VGLL4: variants seen among roughly 807,000 people sequenced by gnomAD.
VGLL4 encodes the protein transcription cofactor vestigial-like protein 4.
In VGLL4, 7 loss-of-function variants were observed where a neutral mutation model predicts 21.0. The observed-to-expected ratio is 0.33, with a 90% CI of 0.19 to 0.63. The LOEUF (loss-of-function observed/expected upper bound fraction) is 0.63, where lower values mean the gene tolerates loss of function less well. Ranked by LOEUF, VGLL4 falls within the 20% of genes least tolerant of loss-of-function variation. The pLI is 0.78. For synonymous variants in VGLL4, 222 were observed against 173.2 expected, an observed-to-expected ratio of 1.28 and a Z score of -2.21; for missense variants, 394 against 425.7, an observed-to-expected ratio of 0.93 and a Z score of 0.66.
At chr3:11,644,789 T>C (rs1461187217), upstream of VGLL4, among the ~76,000 whole-genome samples, 2 of 140,288 alleles carry the variant, frequency 1.4e-5, no homozygotes, top group African/African-American at 2.7e-5. Flanking sequence ...GAGGATGCAG[T>C]GAGCCAAGAT....
intron 2 of VGLL4, among the ~76,000 whole-genome samples, chr3:11,584,570 A>G (rs1191630480): frequency 6.6e-6 from 1 of 152,224 alleles, no homozygotes; most frequent in Non-Finnish European, 1.5e-5. Flanking sequence ...TTCCACTTCT[A>G]TAAAAGTGGG....
intron 2 of VGLL4, among the ~76,000 whole-genome samples, chr3:11,665,236 C>T (rs891497763): frequency 6.6e-6 from 1 of 150,594 alleles, no homozygotes; most frequent in African/African-American, 2.4e-5. Context: ...GCCTCAGCCT[C>T]CCGAGTAGCT....
chr3:11,671,884 T>C (rs1441046334), intron 2 of VGLL4, among the ~76,000 whole-genome samples: 1 of 152,214 alleles, frequency 6.6e-6, no homozygotes, highest in Admixed American at 6.5e-5. Context: ...GCCAAAATGC[T>C]TGATATTCAC....
chr3:11,640,430 G>A (rs985264298), intron 1 of VGLL4, among the ~76,000 whole-genome samples: 6 of 152,194 alleles, frequency 3.9e-5, no homozygotes, highest in African/African-American at 1.4e-4. Context: ...ATTCAGTGGG[G>A]TGATGGACGC....
chr3:11,697,703 A>G (rs1287346508), intron 2 of VGLL4, among the ~76,000 whole-genome samples: 1 of 152,252 alleles, frequency 6.6e-6, no homozygotes, highest in Admixed American at 6.5e-5. Context: ...TGTAGACTAC[A>G]GCCTAGAAAT....
chr3:11,718,291 T>C (rs1386942667), intron 1 of VGLL4, among the ~76,000 whole-genome samples: 1 of 152,214 alleles, frequency 6.6e-6, no homozygotes, highest in East Asian at 1.9e-4. Flanking sequence ...CAAAACTGTC[T>C]TGAGTGTAAG....
chr3:11,563,579 G>A (rs1246037599), intron 3 of VGLL4, among the ~76,000 whole-genome samples: 1 of 152,228 alleles, frequency 6.6e-6, no homozygotes. Context: ...TCTGCAGAGG[G>A]CTGGGTAAAT....
chr3:11,599,466 C>G (rs893973224), intron 2 of VGLL4, among the ~76,000 whole-genome samples: 13 of 146,114 alleles, frequency 8.9e-5, no homozygotes, highest in Non-Finnish European at 1.8e-4. Flanking sequence ...ATAGTGTCAT[C>G]ACAGACCCGT....
At chr3:11,659,326 C>CTTTTTTT (rs5846714) in intron 2 of VGLL4, among the ~76,000 whole-genome samples, 25 of 70,828 alleles carry the variant, frequency 3.5e-4, no homozygotes, top group African/African-American at 5.8e-4. Flanking sequence ...TTTTCTTTTT[C>CTTTTTTT]TTTTTTTTTT....
chr3:11,558,905 A>G, intron 4 of VGLL4, 78 bp from the exon 5 acceptor site: 1 of 1,528,378 alleles, frequency 6.5e-7, no homozygotes, highest in East Asian at 2.3e-5. Context: ...ACCCTCCCTC[A>G]GGCAGCCCAG....
At chr3:11,700,916 C>T (rs2076672315) in intron 2 of VGLL4, among the ~76,000 whole-genome samples, 1 of 152,138 alleles carries the variant, frequency 6.6e-6, no homozygotes, top group Non-Finnish European at 1.5e-5. Flanking sequence ...AATTATACCT[C>T]ACCATCAGGT....
At position 11,594,873 on chromosome 3, in the gene VGLL4, C is replaced by T. The variant is rs139716173; in HGVS notation, c.272+6960G>A. 6.6e-4 allele frequency among the ~76,000 whole-genome samples: 101 copies of T among 152,254 alleles called. 4 individuals are homozygous for T. Among genetic ancestry groups the T allele is most frequent in the African/African-American group, 1.8e-3 (75 of 41,556 alleles). ...TTCCATGATGTGTCATTGAAAAACA[C>T]GAAGGCGGCCAGGCACGGTGGCTCA... is the stretch of plus-strand genomic sequence containing the variant. On this transcript the variant is annotated intron_variant, in intron 2 of 4. Transcript: ENST00000430365.
rs5846714 is a variant in VGLL4, at chr3:11,659,326, CTTTTTTTTT to C, written c.64+43636_64+43644del. On this transcript the variant is annotated intron_variant, in intron 2 of 5. Coordinates refer to the VGLL4 transcript ENST00000273038. The stretch of plus-strand genomic sequence containing the variant: ...TCTGTTTTCTTTTCTTTTTCTTTTT[CTTTTTTTTT>C]TTTTTTTTTTTTTGAGACAGAGTTT... Among the ~76,000 whole-genome samples, 91 of 70,834 alleles carry C rather than the reference CTTTTTTTTT, an allele frequency of 1.3e-3. 1 individual carries two copies. The highest frequency in any genetic ancestry group is 1.6e-3 in the Non-Finnish European group (63 of 38,302). The allele number at this position is 70,834 out of a possible 152,430, so 46.5% of individuals were successfully genotyped here.
chr3:11,717,190 G>A (rs1437976821), intron 1 of VGLL4, among the ~76,000 whole-genome samples: 1 of 120,128 alleles, frequency 8.3e-6, no homozygotes. Flanking sequence ...TTTTTTTTTT[G>A]AGACGGAGTT....
chr3:11,559,192 T>C (rs1575341408), intron 4 of VGLL4, 140 bp downstream of exon 4: 1 of 1,379,160 alleles, frequency 7.3e-7, no homozygotes. Context: ...AGGCGCACAC[T>C]GGACGTGCTC....
intron 1 of VGLL4, among the ~76,000 whole-genome samples, chr3:11,606,135 A>G (rs1247234631): frequency 1.3e-5 from 2 of 152,230 alleles, no homozygotes; most frequent in Non-Finnish European, 2.9e-5. Context: ...AGACGAGAGA[A>G]TGAGAATGAG....
chr3:11,667,412 C>G (rs966091616), intron 2 of VGLL4, among the ~76,000 whole-genome samples: 12 of 152,210 alleles, frequency 7.9e-5, no homozygotes, highest in African/African-American at 2.9e-4. Flanking sequence ...CTTTATATTA[C>G]GTACCTTTAT....
chr3:11,599,525 CTTT>C (rs11297495), intron 2 of VGLL4, among the ~76,000 whole-genome samples: 2 of 60,482 alleles, frequency 3.3e-5, no homozygotes, highest in Admixed American at 2.1e-4. Context: ...AAATTATTTT[CTTT>C]TTTTTTTTTG....
chr3:11,558,664 G>A lies in VGLL4; in HGVS notation c.783C>T (p.Ala261=), dbSNP rs933215427. ...LGDTWLQIKA[A]KDGASSSPES... Reference sequence around the variant, plus strand: ...CAGGGCTGCTGGATGCTCCGTCCTTGGCCGCTTTGATCTGGAGCCACGTGT... The same window carrying A: ...CAGGGCTGCTGGATGCTCCGTCCTTAGCCGCTTTGATCTGGAGCCACGTGT... The change falls in exon 5 of 5, where the codon GCC becomes GCT. Residue 261 remains alanine (A), a synonymous_variant. Coordinates refer to ENST00000430365, the MANE Select transcript of VGLL4 (RefSeq NM_001128219.3). The A allele has an allele frequency of 3.1e-6, 5 of 1,613,152 alleles. No individual in the cohort carries two copies. The highest frequency in any genetic ancestry group is 4.2e-6 in the Non-Finnish European group (5 of 1,180,012).
Sources: allele counts gnomAD v4.1 joint callset (sites outside exome capture counted in the v4.1 genomes callset), GRCh38; gene constraint gnomAD v4.1.1; transcripts MANE v1.5; gene names NCBI Gene and HGNC (gene_info 2026-07-23, HGNC 2026-07-21).